CYP11B1: variants seen among roughly 807,000 people sequenced by gnomAD.
The protein encoded by CYP11B1 is cytochrome P450 family 11 subfamily B member 1.
CYP11B1 carries 34 observed loss-of-function variants against 48.3 expected under a neutral mutation model. The observed-to-expected ratio is 0.70, with a 90% CI of 0.54 to 0.94. CYP11B1 has a LOEUF of 0.94. Ranked by LOEUF, CYP11B1 falls within the 40% of genes least tolerant of loss-of-function variation. The pLI is 0.00. For missense variants in CYP11B1, 688 were observed against 657.4 expected, an observed-to-expected ratio of 1.05 and a Z score of -0.51; for synonymous variants, 291 against 262.5, an observed-to-expected ratio of 1.11 and a Z score of -1.05.
chr8:142,877,843 C>T (rs1304527396), intron 2 of CYP11B1: 3 of 1,590,194 alleles, frequency 1.9e-6, no homozygotes, highest in Non-Finnish European at 2.5e-6. Flanking sequence ...TTCTGCAAAA[C>T]TCAAAGCTTT....
chr8:142,878,271 A>G (rs4236887), intron 2 of CYP11B1, among the ~76,000 whole-genome samples: 149,037 of 152,236 alleles, frequency 0.98, 73,037 homozygotes, highest in Middle Eastern at 1. Context: ...CCCACCCTTG[A>G]GTGCCCTTTT....
Position 142,876,400 on chromosome 8 carries a change from C to T in CYP11B1, c.800-5G>A. Reference sequence around the variant, plus strand: ...TTTTCTGGATACAGTTGTCGCCTATCCGGGGAGCGGGAGGCAGCCCTCAGA... The same window carrying T: ...TTTTCTGGATACAGTTGTCGCCTATTCGGGGAGCGGGAGGCAGCCCTCAGA... On this transcript the variant is annotated splice_polypyrimidine_tract_variant and splice_region_variant and intron_variant, in intron 4 of 8. Transcript: ENST00000292427. 1 of 1,612,776 alleles carries T rather than the reference C, an allele frequency of 6.2e-7. No individual in the cohort carries two copies.
rs1817062672 is a variant in CYP11B1 at position 142,879,180 on chromosome 8, A to G, written c.247T>C (p.Leu83=). 6.2e-7 allele frequency: 1 copy of G among 1,613,772 alleles called. No individual in the cohort carries two copies. Among genetic ancestry groups the G allele is most frequent in the Non-Finnish European group, 8.5e-7 (1 of 1,179,822 alleles). The change falls in exon 2 of 9, where the codon TTG becomes CTG. Residue 83 remains leucine (L), a synonymous_variant. Transcript: ENST00000292427. Reference sequence around the variant, plus strand: ...ACACACACCATGCCTGCTCCTCCCAAGTCGTACCTGTGGGGCCAAGCACGA... The same window carrying G: ...ACACACACCATGCCTGCTCCTCCCAGGTCGTACCTGTGGGGCCAAGCACGA... The part of the protein sequence containing the change: ...QELGPIFRYD[L]GGAGMVCVML...
At position 142,879,043 on chromosome 8, in the gene CYP11B1, G is replaced by C; in HGVS notation, c.384C>G (p.Gly128=). 1 of 1,614,116 alleles carries C rather than the reference G, an allele frequency of 6.2e-7. No individual in the cohort carries two copies. The highest frequency in any genetic ancestry group is 8.5e-7 in the Non-Finnish European group (1 of 1,180,024). ...AYRQHRGHKC[G]VFLLNGPEWR... ...AGCTCGCCGCTTACAGCAAGAACAC[G>C]CCACATTTGTGCCCACGATGTTGTC... The change falls in exon 2 of 9, where the codon GGC becomes GGG. Residue 128 remains glycine (G), a synonymous_variant. Transcript: ENST00000292427.
intron 1 of CYP11B1, 106 bp from the exon 2 acceptor site, chr8:142,879,293 A>T: frequency 6.2e-7 from 1 of 1,607,510 alleles, no homozygotes; most frequent in East Asian, 2.2e-5. Context: ...CCTCTCCTGG[A>T]TTAGCGGCTT....
intron 2 of CYP11B1, chr8:142,877,803 G>A (rs11775687): frequency 0.054 from 86,302 of 1,594,188 alleles, 571 homozygotes; most frequent in Non-Finnish European, 0.064. Context: ...CCAGGGAATG[G>A]TGGGGAGGAA....
chr8:142,878,063 T>G (rs377353863), intron 2 of CYP11B1, among the ~76,000 whole-genome samples: 3 of 26,788 alleles, frequency 1.1e-4, no homozygotes, highest in African/African-American at 2.2e-4. Flanking sequence ...CACAGACACA[T>G]GTGCACACAC....
chr8:142,874,903 C>G, intron 8 of CYP11B1, 54 bp downstream of exon 8: 1 of 1,602,076 alleles, frequency 6.2e-7, no homozygotes, highest in Non-Finnish European at 8.5e-7. Context: ...GCTCAAGCCC[C>G]GCCCATGCTG....
In CYP11B1 at chr8:142,875,083, G is replaced by A. The variant is rs4998903; in HGVS notation, c.1272C>T (p.Asn424=). Residue 424 remains asparagine, a synonymous_variant, in exon 8 of 9, where the codon AAC becomes AAT. Coordinates refer to ENST00000292427, the MANE Select transcript of CYP11B1 (RefSeq NM_000497.4). ...PALFPRPERY[N]PQRWLDIRGS... ...CCCTGATGTCTAGCCAGCGCTGGGG[G>A]TTATAGCGCTCAGGCCTCGGGAACA... 1.2e-4 allele frequency: 200 copies of A among 1,613,122 alleles called. No individual in the cohort carries two copies. Among genetic ancestry groups the A allele is most frequent in the Admixed American group, 3.8e-4 (23 of 60,000 alleles).
chr8:142,875,509 T>C lies in CYP11B1; in HGVS notation c.1122-197A>G, dbSNP rs6392. ...CAGCCCCGAGCGCAGAAGGACATGC[T>C]CCACGTTAATCCCCAGGGCGTTGAA... On this transcript the variant is annotated intron_variant, in intron 6 of 8. Coordinates refer to ENST00000292427, the MANE Select transcript of CYP11B1 (RefSeq NM_000497.4). The C allele has an allele frequency of 0.61, 568,160 of 924,680 alleles. 179,488 individuals are homozygous for C. The highest frequency in any genetic ancestry group is 0.85 in the African/African-American group (51,875 of 61,364). The allele number at this position is 924,680 out of a possible 1,614,324, so 57.3% of individuals were successfully genotyped here.
In CYP11B1 at chr8:142,874,397, G is replaced by T. The variant is rs776766470; in HGVS notation, c.1488C>A (p.Leu496=). ...SFILRPSMFP[L]LTFRAIN is the part of the protein sequence containing the mutation. ...ATTAGTTGATGGCTCTGAAGGTGAG[G>T]AGGGGGAACATGCTGGGCCTCAATA... Residue 496 remains leucine (L), a synonymous_variant, in exon 9 of 9, where the codon CTC becomes CTA. Transcript: ENST00000292427. 36 of 1,613,686 alleles carry T rather than the reference G, an allele frequency of 2.2e-5. No individual in the cohort carries two copies. Among genetic ancestry groups the T allele is most frequent in the African/African-American group, 4.0e-5 (3 of 74,906 alleles).
chr8:142,877,922 GCGCCCA>G, intron 2 of CYP11B1: 2 of 1,111,508 alleles, frequency 1.8e-6, no homozygotes, highest in Non-Finnish European at 2.6e-6. Context: ...ATGCTCACAT[GCGCCCA>G]TGCAAGACCT....
rs1817087391 is a variant in CYP11B1, at chr8:142,879,735, T to A, written c.79A>T (p.Arg27Ter). The A allele has an allele frequency of 6.2e-7, 1 of 1,614,122 alleles. No homozygotes were observed. ...SLQRAQALGTRAARVPRTVLP... is the reference protein window; with the variant it reads ...SLQRAQALGT The stretch of plus-strand genomic sequence containing the variant: ...ACTGTCCTGGGGACCCGGGCGGCTC[T>A]CGTGCCCAGTGCCTGTGCCCTTTGC... Residue 27 changes from arginine (R) to a stop codon, truncating the protein, a stop_gained, in exon 1 of 9, where the codon AGA (arginine) becomes TGA (stop). Coordinates refer to ENST00000292427, the MANE Select transcript of CYP11B1 (RefSeq NM_000497.4). LOFTEE classifies it high-confidence loss of function.
rs1404618288 is a variant in CYP11B1, at chr8:142,875,216, G to C, written c.1200+18C>G. ...GGGGAGGGAGGTTCTCAGCTCGAGG[G>C]GTGTGGGGCTCACTCACCCCAGCTG... On this transcript the variant is annotated intron_variant, in intron 7 of 8. Coordinates refer to ENST00000292427, the MANE Select transcript of CYP11B1 (RefSeq NM_000497.4). 6.2e-7 allele frequency: 1 copy of C among 1,614,124 alleles called. No homozygotes were observed. The highest frequency in any genetic ancestry group is 8.5e-7 in the Non-Finnish European group (1 of 1,179,986).
Position 142,879,038 on chromosome 8 carries a change from A to T in CYP11B1, c.389T>A (p.Phe130Tyr). 6.2e-7 allele frequency: 1 copy of T among 1,614,138 alleles called. No homozygotes were observed. The highest frequency in any genetic ancestry group is 1.1e-5 in the South Asian group (1 of 91,078). ...CTCTCAGCTCGCCGCTTACAGCAAG[A>T]ACACGCCACATTTGTGCCCACGATG... ...RQHRGHKCGV[F>Y]LLNGPEWRFN... Residue 130 changes from phenylalanine (F) to tyrosine (Y), a missense_variant, in exon 2 of 9, where the codon TTC (phenylalanine) becomes TAC (tyrosine). By Grantham distance (22) the Phe-to-Tyr change is conservative. Coordinates refer to ENST00000292427, the MANE Select transcript of CYP11B1 (RefSeq NM_000497.4).
Position 142,875,716 on chromosome 8 carries a change from A to C in CYP11B1, c.1117T>G (p.Leu373Val). 1 of 1,613,634 alleles carries C rather than the reference A, an allele frequency of 6.2e-7. No individual in the cohort carries two copies. The highest frequency in any genetic ancestry group is 8.5e-7 in the Non-Finnish European group (1 of 1,179,930). The change falls in exon 6 of 9, where the codon TTG becomes GTG. Residue 373 changes from leucine (L) to valine (V), a missense_variant. By Grantham distance (32) the Leu-to-Val change is conservative. Coordinates refer to ENST00000292427, the MANE Select transcript of CYP11B1 (RefSeq NM_000497.4). Reference sequence around the variant, plus strand: ...GAGGCCTCAGCCAGCACCCACCGCAAGGTCTCCTTGAGGGCCGCACGCAGC... The same window carrying C: ...GAGGCCTCAGCCAGCACCCACCGCACGGTCTCCTTGAGGGCCGCACGCAGC... ...PLLRAALKET[L>V]RLYPVGLFLE...
rs765600307 is a variant in CYP11B1 at position 142,876,809 on chromosome 8, G to A, written c.672C>T (p.Leu224=). The change falls in exon 4 of 9, where the codon CTC becomes CTT. Residue 224 remains leucine, a synonymous_variant. Coordinates refer to ENST00000292427, the MANE Select transcript of CYP11B1 (RefSeq NM_000497.4). ...HSPSSASLNF[L]HALEVMFKST... ...ATTTGAACATGACCTCCAGGGCATG[G>A]AGGAAGTTCAGGCTGGCAGAACTGG... 5 of 1,614,206 alleles carry A rather than the reference G, an allele frequency of 3.1e-6. No individual in the cohort carries two copies. The Middle Eastern group carries it at 4.9e-4, about 160-fold the overall frequency.
Position 142,879,821 on chromosome 8 carries a change from C to T in CYP11B1, c.-8G>A, listed in dbSNP as rs1470762565. 6.2e-7 allele frequency: 1 copy of T among 1,612,236 alleles called. No individual in the cohort carries two copies. The highest frequency in any genetic ancestry group is 1.3e-5 in the African/African-American group (1 of 74,918). ...CTTTGCCCTGAGTGCCATTCCAATGCTCCCTCCACCCTGTTCAGCTGCAAT... is the reference window on the plus strand; with the variant it reads ...CTTTGCCCTGAGTGCCATTCCAATGTTCCCTCCACCCTGTTCAGCTGCAAT... On this transcript the variant is annotated 5_prime_UTR_variant, in exon 1 of 9. Coordinates refer to ENST00000292427, the MANE Select transcript of CYP11B1 (RefSeq NM_000497.4).
rs1411168986 is a variant in CYP11B1 at position 142,877,095 on chromosome 8, T to G, written c.523A>C (p.Lys175Gln). The G allele has an allele frequency of 6.2e-7, 1 of 1,613,636 alleles. No homozygotes were observed. ...ARDFSQALKK[K>Q]VLQNARGSLT... ...CTCCCCCGGGCGTTCTGCAGCACCT[T>G]CTTCTTCAGGGCCTGGGAGAAGTCC... The change falls in exon 3 of 9, where the codon AAG (lysine) becomes CAG (glutamine). Residue 175 changes from lysine to glutamine, a missense_variant. Transcript: ENST00000292427.
Sources: allele counts gnomAD v4.1 joint callset (sites outside exome capture counted in the v4.1 genomes callset), GRCh38; gene constraint gnomAD v4.1.1; transcripts MANE v1.5; gene names NCBI Gene and HGNC (gene_info 2026-07-23, HGNC 2026-07-21).